MARVELD3: variants seen among roughly 807,000 people sequenced by gnomAD.
The protein encoded by MARVELD3 is MARVEL domain containing 3, also known as MARVEL domain-containing protein 3.
In MARVELD3, 28 loss-of-function variants were observed where a neutral mutation model predicts 33.5. The observed-to-expected ratio is 0.84, with a 90% CI of 0.62 to 1.15. MARVELD3 has a LOEUF of 1.15. Ranked by LOEUF, MARVELD3 falls within the 50% of genes most tolerant of loss-of-function variation. MARVELD3 has a pLI of 0.00. For missense variants in MARVELD3, 582 were observed against 547.6 expected, an observed-to-expected ratio of 1.06 and a Z score of -0.63; for synonymous variants, 241 against 230.4, an observed-to-expected ratio of 1.05 and a Z score of -0.42.
Position 71,626,291 on chromosome 16 carries a change from G to A in MARVELD3, c.62G>A (p.Arg21Gln), listed in dbSNP as rs541584820. 2 of 1,541,632 alleles carry A rather than the reference G, an allele frequency of 1.3e-6. No individual in the cohort carries two copies. Among genetic ancestry groups the A allele is most frequent in the Non-Finnish European group, 1.7e-6 (2 of 1,142,896 alleles). The change falls in exon 1 of 3, where the codon CGG becomes CAG. Residue 21 changes from arginine to glutamine, a missense_variant. Coordinates refer to ENST00000268485, the MANE Select transcript of MARVELD3 (RefSeq NM_052858.6). The surrounding 1 kb of genome is among the most constrained non-coding windows in gnomAD (Gnocchi z 5.3). ...CGGCCGAGAGAGCGGGACCCGGGAC[G>A]GCGCCCCCACCCAGACCAAGGCCGC... ...RARPRERDPGRRPHPDQGRTH... is the reference protein window; with the variant it reads ...RARPRERDPGQRPHPDQGRTH...
rs1448891310 is a variant in MARVELD3 at position 71,635,005 on chromosome 16, T to G, written c.*202T>G. 1.7e-5 allele frequency: 22 copies of G among 1,322,086 alleles called. No individual in the cohort carries two copies. The highest frequency in any genetic ancestry group is 2.9e-6 in the Non-Finnish European group (3 of 1,037,272). 81.9% of individuals were successfully genotyped at this position (1,322,086 alleles called of 1,614,324 possible). A position where few individuals can be genotyped will look rare whatever the true frequency, so the allele number is the denominator to read the frequency against. On this transcript the variant is annotated 3_prime_UTR_variant, in exon 3 of 3. Coordinates refer to ENST00000268485, the MANE Select transcript of MARVELD3 (RefSeq NM_052858.6). ...CCTGGCTTCTGGAGTCCTCTGTGAG[T>G]GAGGGACCAATCAAAATTATTTTTC...
intron 2 of MARVELD3, 161 bp downstream of exon 2, chr16:71,629,655 A>AAG: frequency 3.0e-6 from 2 of 663,054 alleles, no homozygotes; most frequent in Non-Finnish European, 4.6e-6. Flanking sequence ...AAAAAAAAAA[A>AAG]AAAAAAAAGG....
chr16:71,629,379 G>C lies in MARVELD3; in HGVS notation c.480G>C (p.Ser160=), dbSNP rs149016402. 2.9e-4 allele frequency: 445 copies of C among 1,559,826 alleles called. No individual in the cohort carries two copies. Among genetic ancestry groups the C allele is most frequent in the Non-Finnish European group, 3.6e-4 (421 of 1,159,266 alleles). ...TTTTTGGTTATAGTGAACCCCCTTC[G>C]GAGAGATATCTGCCCTCGACCCCCA... ...GRRRPESEPP[S]ERYLPSTPRP... The change falls in exon 2 of 3, where the codon TCG becomes TCC. Residue 160 remains serine (S), a synonymous_variant. Transcript: ENST00000268485.
chr16:71,635,591 A>C lies in MARVELD3; in HGVS notation c.*788A>C. 1 of 984,120 alleles carries C rather than the reference A, an allele frequency of 1.0e-6. No homozygotes were observed. Among genetic ancestry groups the C allele is most frequent in the Non-Finnish European group, 1.2e-6 (1 of 829,048 alleles). The allele number at this position is 984,120 out of a possible 1,614,324, so 61.0% of individuals were successfully genotyped here. On this transcript the variant is annotated 3_prime_UTR_variant, in exon 3 of 3. Transcript: ENST00000268485. The stretch of plus-strand genomic sequence containing the variant: ...CACTACACTCTAGCCTGAGCAACAG[A>C]CCAAGACCGTATTGCCAAAATACCA...
Position 71,636,305 on chromosome 16 carries a change from G to A in MARVELD3, c.*1502G>A, listed in dbSNP as rs890501147. 18 of 281,854 alleles carry A rather than the reference G, an allele frequency of 6.4e-5. No individual in the cohort carries two copies. The highest frequency in any genetic ancestry group is 2.0e-4 in the Admixed American group (3 of 15,378). 17.5% of individuals were successfully genotyped at this position (281,854 alleles called of 1,614,324 possible). A position where few individuals can be genotyped will look rare whatever the true frequency, so the allele number is the denominator to read the frequency against. ...GTGAGTTCCATTTGAGTTTAGAAAA[G>A]GAAATATATATATACATGCTTGTAT... On this transcript the variant is annotated 3_prime_UTR_variant, in exon 3 of 3. Transcript: ENST00000268485.
chr16:71,633,503 C>T (rs553736065), intron 2 of MARVELD3, among the ~76,000 whole-genome samples: 12 of 152,228 alleles, frequency 7.9e-5, no homozygotes, highest in Non-Finnish European at 1.5e-4. Flanking sequence ...AAGTGATTCT[C>T]CTACCTCAGC....
At chr16:71,637,019 C>T (rs972682176), downstream of MARVELD3, among the ~76,000 whole-genome samples, 5 of 152,150 alleles carry the variant, frequency 3.3e-5, no homozygotes, top group East Asian at 3.9e-4. Context: ...TAGCTCTGCT[C>T]GCCACCCTTT....
chr16:71,641,106 T>C, downstream of MARVELD3: 1 of 1,489,786 alleles, frequency 6.7e-7, no homozygotes, highest in Non-Finnish European at 9.0e-7. Flanking sequence ...ATTAGACAAC[T>C]ATGGTTTTCA....
In MARVELD3 at chr16:71,626,454, G is replaced by A. The variant is rs1471177176; in HGVS notation, c.225G>A (p.Arg75=). Residue 75 remains arginine, a synonymous_variant, in exon 1 of 3, where the codon CGG becomes CGA. Coordinates refer to ENST00000268485, the MANE Select transcript of MARVELD3 (RefSeq NM_052858.6). This position sits in a 1 kb window ranked among gnomAD's most constrained non-coding sequence, Gnocchi z 5.3. The stretch of plus-strand genomic sequence containing the variant: ...GGAACCGCGACCGGAACCGGGACCG[G>A]GAGAGGGAGAGAGAGAGGGAAAGAG... The part of the protein sequence containing the change: ...RDGNRDRNRD[R]ERERERERDP... 6.5e-7 allele frequency: 1 copy of A among 1,549,198 alleles called. No individual in the cohort carries two copies. Among genetic ancestry groups the A allele is most frequent in the African/African-American group, 1.4e-5 (1 of 73,010 alleles).
In MARVELD3 at chr16:71,636,168, C is replaced by CT. The variant is rs2044580060; in HGVS notation, c.*1368dup. 1.0e-6 allele frequency: 1 copy of CT among 983,868 alleles called. No homozygotes were observed. The highest frequency in any genetic ancestry group is 1.1e-4 in the East Asian group (1 of 8,830). 60.9% of individuals were successfully genotyped at this position (983,868 alleles called of 1,614,324 possible). ...TCGGTCCAAGTGAGTAAGTTCTTTG[C>CT]TTTATGTGAATCCAATAAAAAATCC... On this transcript the variant is annotated 3_prime_UTR_variant, in exon 3 of 3. Coordinates refer to ENST00000268485, the MANE Select transcript of MARVELD3 (RefSeq NM_052858.6).
At chr16:71,633,495 G>A (rs1567605197) in intron 2 of MARVELD3, among the ~76,000 whole-genome samples, 1 of 152,136 alleles carries the variant, frequency 6.6e-6, no homozygotes, top group Non-Finnish European at 1.5e-5. Flanking sequence ...TCGGGTTCAA[G>A]TGATTCTCCT....
In MARVELD3 at chr16:71,634,514, A is replaced by C. The variant is rs201459244; in HGVS notation, c.917A>C (p.Glu306Ala). ...CATTGTCCACTGTTGCTGGTGACCG[A>C]AGGCTTGTTGGACATGCTCATCGCG... ...PWHCPLLLVT[E>A]GLLDMLIAGG... The change falls in exon 3 of 3, where the codon GAA (glutamate) becomes GCA (alanine). Residue 306 changes from glutamate (E) to alanine (A), a missense_variant. By Grantham distance (107) the Glu-to-Ala change is moderately radical. Coordinates refer to ENST00000268485, the MANE Select transcript of MARVELD3 (RefSeq NM_052858.6). The C allele has an allele frequency of 7.8e-5, 126 of 1,614,024 alleles. No individual in the cohort carries two copies. The highest frequency in any genetic ancestry group is 4.9e-5 in the Non-Finnish European group (58 of 1,180,036).
Position 71,635,184 on chromosome 16 carries a change from C to G in MARVELD3, c.*381C>G, listed in dbSNP as rs2044571956. On this transcript the variant is annotated 3_prime_UTR_variant, in exon 3 of 3. Coordinates refer to ENST00000268485, the MANE Select transcript of MARVELD3 (RefSeq NM_052858.6). ...CTCTACTAAAATACAAAAAAATTAG[C>G]CAGGCGTGGTGGCGGGCGCCTGTAA... is the stretch of plus-strand genomic sequence containing the variant. 8.0e-6 allele frequency: 6 copies of G among 749,914 alleles called. No individual in the cohort carries two copies. The highest frequency in any genetic ancestry group is 6.5e-6 in the Non-Finnish European group (4 of 612,902). 46.5% of individuals were successfully genotyped at this position (749,914 alleles called of 1,614,324 possible). A position where few individuals can be genotyped will look rare whatever the true frequency, so the allele number is the denominator to read the frequency against.
At chr16:71,637,688 G>C (rs1409627713), downstream of MARVELD3, 2 of 152,136 alleles carry the variant, frequency 1.3e-5, no homozygotes, top group Admixed American at 6.5e-5. Context: ...TCACTGCCCT[G>C]ATTATAAACA....
At chr16:71,628,309 C>T (rs1204570689) in intron 1 of MARVELD3, among the ~76,000 whole-genome samples, 2 of 152,074 alleles carry the variant, frequency 1.3e-5, no homozygotes, top group African/African-American at 4.8e-5. Flanking sequence ...CCGAAGCGGG[C>T]AGATCATTGG....
At chr16:71,630,655 G>GTA (rs367926691) in intron 2 of MARVELD3, among the ~76,000 whole-genome samples, 184 of 148,550 alleles carry the variant, frequency 1.2e-3, no homozygotes, top group South Asian at 3.6e-3. Flanking sequence ...TAAAATATAT[G>GTA]TATATATATA....
In MARVELD3 at chr16:71,629,310, C is replaced by G. The variant is rs1173092813; in HGVS notation, c.468-57C>G. 4 of 1,496,080 alleles carry G rather than the reference C, an allele frequency of 2.7e-6. No individual in the cohort carries two copies. The East Asian group carries it at 8.1e-5, about 30-fold the overall frequency. 92.7% of individuals were successfully genotyped at this position (1,496,080 alleles called of 1,614,324 possible). ...AGCACGAGGAGTCAAGAGTTCTAAT[C>G]CTGAACGCTATTGAATGAGACACCC... On this transcript the variant is annotated intron_variant, in intron 1 of 2. Coordinates refer to ENST00000268485, the MANE Select transcript of MARVELD3 (RefSeq NM_052858.6).
intron 2 of MARVELD3, among the ~76,000 whole-genome samples, chr16:71,631,922 A>G (rs549022837): frequency 5.9e-5 from 9 of 152,320 alleles, no homozygotes; most frequent in South Asian, 2.1e-4. Flanking sequence ...GAATAGACCA[A>G]CTGGAACCAG....
At position 71,628,300 on chromosome 16, in the gene MARVELD3, C is replaced by T. The variant is rs569614359; in HGVS notation, c.468-1067C>T. On this transcript the variant is annotated intron_variant, in intron 1 of 2. Transcript: ENST00000268485. Reference sequence around the variant, plus strand: ...CTGTAATCCCAGAACTTTGGGAGGCCGAAGCGGGCAGATCATTGGAGGTAA... The same window carrying T: ...CTGTAATCCCAGAACTTTGGGAGGCTGAAGCGGGCAGATCATTGGAGGTAA... Among the ~76,000 whole-genome samples, 16 of 152,162 alleles carry T rather than the reference C, an allele frequency of 1.1e-4. No individual in the cohort carries two copies. In the East Asian group the frequency reaches 1.5e-3, roughly 15 times the overall value.
Sources: gnomAD v4.1 joint callset for allele counts (sites outside exome capture counted in the v4.1 genomes callset) on GRCh38, gnomAD v4.1.1 for gene constraint, Gnocchi (gnomAD v3.1) non-coding constraint, MANE v1.5 for transcripts, NCBI Gene and HGNC (gene_info 2026-07-23, HGNC 2026-07-21) for gene names.